Variants in ARIH2 observed in about 807,000 individuals in gnomAD.
The protein encoded by ARIH2 is ariadne RBR E3 ubiquitin protein ligase 2, also known as E3 ubiquitin-protein ligase ARIH2.
ARIH2 carries 12 observed loss-of-function variants against 79.8 expected under a neutral mutation model. That is an observed-to-expected ratio of 0.15 (90% CI 0.10 to 0.24). The LOEUF (loss-of-function observed/expected upper bound fraction) is 0.24, where lower values mean the gene tolerates loss of function less well. Ranked by LOEUF, ARIH2 falls within the 10% of genes least tolerant of loss-of-function variation. The pLI, the probability that ARIH2 is intolerant of heterozygous loss-of-function variation, is 1.00. For synonymous variants in ARIH2, 224 were observed against 213.9 expected (o/e 1.05, Z -0.41); for missense variants, 301 against 618.3 (o/e 0.49, Z 5.44).
In ARIH2 at chr3:48,977,692, C is replaced by A. The variant is rs943821884; in HGVS notation, c.962-1790C>A. 4.6e-5 allele frequency among the ~76,000 whole-genome samples: 7 copies of A among 152,162 alleles called. 1 individual carries two copies. Among genetic ancestry groups the A allele is most frequent in the Admixed American group, 4.6e-4 (7 of 15,264 alleles). ...CATGCTGGTTGTGAACTCCTGATCT[C>A]ATGATTAGCCCACCTTGGCCTCCCA... On this transcript the variant is annotated intron_variant, in intron 11 of 15. Coordinates refer to ENST00000356401, the MANE Select transcript of ARIH2 (RefSeq NM_006321.4).
Position 48,967,276 on chromosome 3 carries a change from GT to G in ARIH2, c.538+2del. ...CTCGTCAAGGACGGCGTGGGCGTGG[GT>G]GAGTCTGCCACAAAACTTATAAAAA... On this transcript the variant is annotated splice_donor_variant, in intron 6 of 15. Transcript: ENST00000356401. LOFTEE classifies it high-confidence loss of function. 1 of 1,613,628 alleles carries G rather than the reference GT, an allele frequency of 6.2e-7. No individual in the cohort carries two copies. Among genetic ancestry groups the G allele is most frequent in the African/African-American group, 1.3e-5 (1 of 75,034 alleles).
At chr3:48,969,254 G>T (rs2092019989) in intron 7 of ARIH2, among the ~76,000 whole-genome samples, 1 of 147,992 alleles carries the variant, frequency 6.8e-6, no homozygotes, top group African/African-American at 2.5e-5. Context: ...ATACATAGTT[G>T]CTTAAAGAAG....
intron 4 of ARIH2, among the ~76,000 whole-genome samples, chr3:48,964,347 G>A (rs1013116826): frequency 6.7e-6 from 1 of 148,162 alleles, no homozygotes; most frequent in Non-Finnish European, 1.5e-5. Context: ...ACAGAATCTC[G>A]CTCTGTCTTG....
chr3:48,945,605 ATCTC>A, intron 3 of ARIH2, among the ~76,000 whole-genome samples: 1 of 152,138 alleles, frequency 6.6e-6, no homozygotes, highest in East Asian at 1.9e-4. Flanking sequence ...GCAGGAATTG[ATCTC>A]TCTCTGGTAT....
chr3:48,966,908 T>C (rs1423817206), intron 5 of ARIH2, among the ~76,000 whole-genome samples: 1 of 152,186 alleles, frequency 6.6e-6, no homozygotes, highest in African/African-American at 2.4e-5. Flanking sequence ...CCTGGTGATT[T>C]TGCAAGCCCA....
chr3:48,950,846 CTTAAT>C (rs1368259726), intron 3 of ARIH2, among the ~76,000 whole-genome samples: 1 of 151,730 alleles, frequency 6.6e-6, no homozygotes, highest in Non-Finnish European at 1.5e-5. Context: ...AATTCACCCA[CTTAAT>C]TTTTCAATTT....
intron 3 of ARIH2, among the ~76,000 whole-genome samples, chr3:48,941,526 G>A (rs1176944855): frequency 1.3e-5 from 2 of 151,984 alleles, no homozygotes; most frequent in African/African-American, 2.4e-5. Flanking sequence ...GAATGAGGTC[G>A]CAGTGTTGTT....
intron 5 of ARIH2, among the ~76,000 whole-genome samples, chr3:48,965,820 G>C (rs1375559627): frequency 1.3e-5 from 2 of 152,094 alleles, no homozygotes; most frequent in Non-Finnish European, 2.9e-5. Context: ...AATTAGCCAG[G>C]CCTGGTGGCG....
At chr3:48,926,124 T>G (rs1330904348) in intron 2 of ARIH2, among the ~76,000 whole-genome samples, 1 of 152,210 alleles carries the variant, frequency 6.6e-6, no homozygotes, top group Non-Finnish European at 1.5e-5. Context: ...CTTCTGTGAG[T>G]TGAAGTTAGG....
Position 48,948,933 on chromosome 3 carries a change from T to A in ARIH2, c.256-12679T>A, listed in dbSNP as rs553604648. The A allele has an allele frequency of 1.4e-3, 512 of 361,810 alleles. 3 individuals are homozygous for A. The highest frequency in any genetic ancestry group is 9.7e-3 in the African/African-American group (463 of 47,504). The allele number at this position is 361,810 out of a possible 1,614,324, so 22.4% of individuals were successfully genotyped here. ...TTTCCATTGTATGGATATGCCACAT[T>A]TTGTTTACCCATTCATTTGTAAGTT... On this transcript the variant is annotated intron_variant, in intron 3 of 15. Coordinates refer to ENST00000356401, the MANE Select transcript of ARIH2 (RefSeq NM_006321.4).
chr3:48,964,103 T>C (rs914421675), intron 4 of ARIH2, among the ~76,000 whole-genome samples: 17 of 152,194 alleles, frequency 1.1e-4, no homozygotes, highest in African/African-American at 3.9e-4. Context: ...CAGTCTCTGC[T>C]CACTGCAACC....
intron 3 of ARIH2, among the ~76,000 whole-genome samples, chr3:48,955,220 C>T (rs2090441983): frequency 6.6e-6 from 1 of 151,992 alleles, no homozygotes; most frequent in Non-Finnish European, 1.5e-5. Flanking sequence ...AAAGAAAAAG[C>T]ATTCATAAAT....
At chr3:48,955,791 T>C (rs1427624694) in intron 3 of ARIH2, among the ~76,000 whole-genome samples, 1 of 152,208 alleles carries the variant, frequency 6.6e-6, no homozygotes, top group Non-Finnish European at 1.5e-5. Flanking sequence ...CTGCTTCCTC[T>C]GGAAAACTGC....
Position 48,980,401 on chromosome 3 carries a change from C to T in ARIH2, c.1162C>T (p.Arg388Trp). 7 of 1,614,046 alleles carry T rather than the reference C, an allele frequency of 4.3e-6. No individual in the cohort carries two copies. Among genetic ancestry groups the T allele is most frequent in the Non-Finnish European group, 5.9e-6 (7 of 1,180,006 alleles). The change falls in exon 13 of 16, where the codon CGG becomes TGG. Residue 388 changes from arginine (R) to tryptophan (W), a missense_variant. Arg to Trp is a moderately radical substitution (Grantham distance 101). Around this residue, in one of 2 missense-constraint regions of ARIH2, gnomAD observed 78 missense variants for 268.9 expected, o/e 0.29. Transcript: ENST00000356401. ...SLQLEAQTYQ[R>W]IHEKIQERVM... ...GCAGCTAGAGGCACAGACATACCAG[C>T]GGATTCACGAGAAGATTCAGGAGAG...
rs71077758 is a variant in ARIH2 at position 48,959,649 on chromosome 3, CAAAAAAAA to C, written c.256-1944_256-1937del. On this transcript the variant is annotated intron_variant, in intron 3 of 15. Transcript: ENST00000356401. ...AAACCCCGTCTCTACTAAAAAATAC[CAAAAAAAA>C]AAAAAAAAAAAAAAAAAAGAAAAGA... is the stretch of plus-strand genomic sequence containing the variant. Among the ~76,000 whole-genome samples the C allele has an allele frequency of 4.2e-4, 21 of 50,108 alleles. No individual in the cohort carries two copies. In the South Asian group the frequency reaches 7.0e-3, roughly 17 times the overall value. 32.9% of individuals were successfully genotyped at this position (50,108 alleles called of 152,430 possible).
At chr3:48,950,944 T>C (rs2089869819) in intron 3 of ARIH2, among the ~76,000 whole-genome samples, 1 of 148,264 alleles carries the variant, frequency 6.7e-6, no homozygotes. Context: ...GTATTTTCTT[T>C]CTTCTTCTTT....
At chr3:48,964,609 C>G (rs2091597590) in intron 4 of ARIH2, among the ~76,000 whole-genome samples, 1 of 152,194 alleles carries the variant, frequency 6.6e-6, no homozygotes, top group Admixed American at 6.5e-5. Context: ...GCCACTGCGC[C>G]TGGCCTAGAA....
intron 3 of ARIH2, among the ~76,000 whole-genome samples, chr3:48,958,385 G>C (rs112502530): frequency 6.6e-6 from 1 of 152,086 alleles, no homozygotes; most frequent in Admixed American, 6.6e-5. Flanking sequence ...AACAGGCACC[G>C]CACTGTAGCC....
chr3:48,942,776 C>G (rs144176320), intron 3 of ARIH2, among the ~76,000 whole-genome samples: 1 of 151,868 alleles, frequency 6.6e-6, no homozygotes, highest in African/African-American at 2.4e-5. Flanking sequence ...CTCAGCCTCC[C>G]GAGTAACTGG....
Sources: allele counts gnomAD v4.1 joint callset (sites outside exome capture counted in the v4.1 genomes callset), GRCh38; gene constraint gnomAD v4.1.1; regional missense constraint gnomAD v4.1.1; transcripts MANE v1.5; gene names NCBI Gene and HGNC (gene_info 2026-07-23, HGNC 2026-07-21).